DLG2: variants seen among roughly 807,000 people sequenced by gnomAD.
DLG2 encodes the protein disks large homolog 2.
DLG2 carries 45 observed loss-of-function variants against 132.5 expected under a neutral mutation model. The ratio of observed to expected loss-of-function variants is 0.34; its 90% confidence interval spans 0.27 to 0.44. The LOEUF (loss-of-function observed/expected upper bound fraction) is 0.44, where lower values mean the gene tolerates loss of function less well. Ranked by LOEUF, DLG2 falls within the 20% of genes least tolerant of loss-of-function variation. The pLI, the probability that DLG2 is intolerant of heterozygous loss-of-function variation, is 1.00. For missense variants in DLG2, 1,045 were observed against 1,196.9 expected (o/e 0.87, Z 1.87); for synonymous variants, 424 against 419.6 (o/e 1.01, Z -0.13).
At chr11:83,846,078 T>A (rs2058556892) in intron 16 of DLG2, among the ~76,000 whole-genome samples, 2 of 152,230 alleles carry the variant, frequency 1.3e-5, no homozygotes, top group South Asian at 4.1e-4. Context: ...ATGAAAGATC[T>A]CTGTGTTAAA....
intron 3 of DLG2, among the ~76,000 whole-genome samples, chr11:85,447,424 T>C (rs868046058): frequency 6.6e-6 from 1 of 152,070 alleles, no homozygotes; most frequent in South Asian, 2.1e-4. Flanking sequence ...TAATCCAATA[T>C]GACTGGTGAC....
At chr11:84,038,754 T>A (rs1308884832) in intron 11 of DLG2, among the ~76,000 whole-genome samples, 1 of 152,088 alleles carries the variant, frequency 6.6e-6, no homozygotes, top group Non-Finnish European at 1.5e-5. Flanking sequence ...GAGAAAAGTT[T>A]AATTGACTCT....
intron 6 of DLG2, among the ~76,000 whole-genome samples, chr11:84,934,582 A>C (rs1304909939): frequency 2.5e-5 from 3 of 122,024 alleles, no homozygotes; most frequent in African/African-American, 6.5e-5. Flanking sequence ...TCAATTTCAG[A>C]CCTCATTATT....
At chr11:84,649,996 A>G (rs2154546370) in intron 6 of DLG2, among the ~76,000 whole-genome samples, 1 of 152,264 alleles carries the variant, frequency 6.6e-6, no homozygotes, top group South Asian at 2.1e-4. Context: ...TCCATAATAT[A>G]ATCTCTCTCT....
intron 6 of DLG2, among the ~76,000 whole-genome samples, chr11:84,684,938 A>T (rs537037829): frequency 6.6e-6 from 1 of 152,340 alleles, no homozygotes; most frequent in Admixed American, 6.5e-5. Context: ...GAGGAAGAAC[A>T]TATAAGATTT....
chr11:85,607,282 T>C (rs2080637612), intron 2 of DLG2, among the ~76,000 whole-genome samples: 1 of 152,112 alleles, frequency 6.6e-6, no homozygotes, highest in Non-Finnish European at 1.5e-5. Context: ...GTTGGGAGCA[T>C]TGGTTTGCCT....
At chr11:84,651,907 A>C (rs1403964169) in intron 6 of DLG2, among the ~76,000 whole-genome samples, 1 of 152,182 alleles carries the variant, frequency 6.6e-6, no homozygotes, top group Admixed American at 6.5e-5. Flanking sequence ...TACAGATTTT[A>C]ATGCCAGTAA....
chr11:84,179,536 G>T lies in DLG2; in HGVS notation c.574-16025C>A, dbSNP rs189779344. Among the ~76,000 whole-genome samples the T allele has an allele frequency of 6.0e-4, 92 of 152,262 alleles. 3 individuals carry two copies. Among genetic ancestry groups the T allele is most frequent in the Admixed American group, 6.0e-3 (92 of 15,262 alleles). On this transcript the variant is annotated intron_variant, in intron 8 of 27. Coordinates refer to ENST00000376104, the MANE Select transcript of DLG2 (RefSeq NM_001142699.3). ...AACTCTGACAGTCATGAACTCCAGA[G>T]GGAACAGTCACAGGGCCGCCACGCT... is the stretch of plus-strand genomic sequence containing the variant.
At chr11:84,413,125 T>A (rs2098915677) in intron 7 of DLG2, among the ~76,000 whole-genome samples, 1 of 152,186 alleles carries the variant, frequency 6.6e-6, no homozygotes, top group South Asian at 2.1e-4. Flanking sequence ...CAGAAGTCAC[T>A]GTCTCATTCA....
chr11:85,535,857 T>C (rs1313432157), intron 3 of DLG2, among the ~76,000 whole-genome samples: 2 of 152,198 alleles, frequency 1.3e-5, no homozygotes, highest in Non-Finnish European at 2.9e-5. Flanking sequence ...CTTGAAAACA[T>C]TATGTTGGTG....
At chr11:84,041,402 C>A (rs2154106564) in intron 11 of DLG2, among the ~76,000 whole-genome samples, 1 of 152,044 alleles carries the variant, frequency 6.6e-6, no homozygotes, top group East Asian at 1.9e-4. Flanking sequence ...TTATACTCCA[C>A]CAGCCTCCTT....
At chr11:84,946,643 G>A (rs549719210) in intron 6 of DLG2, among the ~76,000 whole-genome samples, 5 of 152,176 alleles carry the variant, frequency 3.3e-5, no homozygotes, top group South Asian at 2.1e-4. Flanking sequence ...GAAGGAAGGA[G>A]CAACTATAGA....
intron 6 of DLG2, among the ~76,000 whole-genome samples, chr11:84,861,620 AAAAAAAAAAAAAAAAAAAAC>A (rs1029211098): frequency 3.7e-4 from 23 of 61,374 alleles, no homozygotes; most frequent in African/African-American, 2.1e-3. Context: ...CTACACAGCA[AAAAAAAAAAAAAAAAAAAAC>A]AAAAAAAAAA....
intron 9 of DLG2, among the ~76,000 whole-genome samples, chr11:84,120,236 T>C (rs2093841479): frequency 6.6e-6 from 1 of 152,186 alleles, no homozygotes; most frequent in Non-Finnish European, 1.5e-5. Context: ...TATTTCACCA[T>C]GTTAAAAGGT....
chr11:84,085,123 T>G (rs1267066169), intron 10 of DLG2, among the ~76,000 whole-genome samples: 3 of 152,236 alleles, frequency 2.0e-5, no homozygotes, highest in African/African-American at 4.8e-5. Flanking sequence ...TTGATGCTTG[T>G]GCAAAGCTTA....
At chr11:84,594,862 C>T (rs1399059256) in intron 6 of DLG2, among the ~76,000 whole-genome samples, 1 of 152,118 alleles carries the variant, frequency 6.6e-6, no homozygotes, top group Admixed American at 6.5e-5. Flanking sequence ...AGTAACAGAG[C>T]CTGAAACATC....
chr11:84,871,804 C>G (rs1014861225), intron 6 of DLG2, among the ~76,000 whole-genome samples: 1 of 152,062 alleles, frequency 6.6e-6, no homozygotes, highest in Non-Finnish European at 1.5e-5. Context: ...CTCACTGCAA[C>G]TTCCGCCTTG....
At chr11:85,034,222 C>T (rs1213502018) in intron 6 of DLG2, among the ~76,000 whole-genome samples, 1 of 151,824 alleles carries the variant, frequency 6.6e-6, no homozygotes, top group African/African-American at 2.4e-5. Context: ...GGACCACAGG[C>T]GCCTGCCACC....
intron 17 of DLG2, chr11:83,789,921 A>G: frequency 1.1e-6 from 1 of 928,788 alleles, no homozygotes; most frequent in Non-Finnish European, 1.5e-6. Flanking sequence ...ACTGTGTTTC[A>G]ATCTCTTTTT....
Sources: gnomAD v4.1 joint callset for allele counts (sites outside exome capture counted in the v4.1 genomes callset) on GRCh38, gnomAD v4.1.1 for gene constraint, MANE v1.5 for transcripts, NCBI Gene and HGNC (gene_info 2026-07-23, HGNC 2026-07-21) for gene names.